Variants in PSMB9 observed in about 807,000 individuals in gnomAD.
The protein encoded by PSMB9 is proteasome subunit beta type-9.
A neutral mutation model predicts 26.9 loss-of-function variants in PSMB9; 16 were observed. The ratio of observed to expected loss-of-function variants is 0.59; its 90% CI spans 0.40 to 0.90. The LOEUF (loss-of-function observed/expected upper bound fraction) is 0.90, where lower values mean the gene tolerates loss of function less well. Among genes scored for constraint, PSMB9 ranks in the 40% least tolerant of loss-of-function variants. PSMB9 has a pLI of 0.00. For missense variants in PSMB9, 253 were observed against 292.2 expected, an observed-to-expected ratio of 0.87 and a Z score of 0.98; for synonymous variants, 91 against 112.0, an observed-to-expected ratio of 0.81 and a Z score of 1.18.
chr6:32,855,693 C>CA (rs28986263), intron 1 of PSMB9, among the ~76,000 whole-genome samples: 19,651 of 141,694 alleles, frequency 0.14, 1,307 homozygotes, highest in South Asian at 0.2. Context: ...GATTGTGGAC[C>CA]AAAAAAAAAA....
At chr6:32,857,548 T>C (rs1771225626) in intron 3 of PSMB9, 154 bp downstream of exon 3, 18 of 961,640 alleles carry the variant, frequency 1.9e-5, no homozygotes, top group Middle Eastern at 6.7e-4. Context: ...AGTTTCTGCA[T>C]CTGTAAAGTG....
Position 32,858,733 on chromosome 6 carries a change from C to T in PSMB9, c.532+228C>T. The stretch of plus-strand genomic sequence containing the variant: ...AGTAAATCAAATGAGGATACACAGT[C>T]ACTGTGAGAACCAGTGGTGTGCTAA... On this transcript the variant is annotated intron_variant, in intron 5 of 5. Transcript: ENST00000374859. This position sits in a 1 kb window ranked among gnomAD's most constrained non-coding sequence, Gnocchi z 5.2. 1 of 616,370 alleles carries T rather than the reference C, an allele frequency of 1.6e-6. No individual in the cohort carries two copies. The allele number at this position is 616,370 out of a possible 1,614,324, so 38.2% of individuals were successfully genotyped here.
chr6:32,859,316 A>G (rs1771333704), intron 5 of PSMB9, 89 bp from the exon 6 acceptor site: 2 of 1,409,900 alleles, frequency 1.4e-6, no homozygotes, highest in South Asian at 1.5e-5. Flanking sequence ...TGAAAGTGGT[A>G]GTAGGCATAT....
In PSMB9 at chr6:32,854,273, G is replaced by A. The variant is rs1481437927; in HGVS notation, c.44G>A (p.Gly15Glu). 2.0e-6 allele frequency: 3 copies of A among 1,520,304 alleles called. No individual in the cohort carries two copies. The highest frequency in any genetic ancestry group is 2.6e-6 in the Non-Finnish European group (3 of 1,136,482). The allele number at this position is 1,520,304 out of a possible 1,614,324, so 94.2% of individuals were successfully genotyped here. Reference protein sequence around the residue: ...GAPTGDLPRAGEVHTGTTIMA... With the variant: ...GAPTGDLPRAEEVHTGTTIMA... ...CCAACCGGGGACTTACCCCGGGCGGGAGAAGTCCACACCGGGGTAATGGGT... is the reference window on the plus strand; with the variant it reads ...CCAACCGGGGACTTACCCCGGGCGGAAGAAGTCCACACCGGGGTAATGGGT... Residue 15 changes from glycine (G) to glutamate (E), a missense_variant, in exon 1 of 6, where the codon GGA becomes GAA. By Grantham distance (98) the Gly-to-Glu change is moderately conservative (BLOSUM62 -2). Transcript: ENST00000374859. The surrounding 1 kb of genome is among the most constrained non-coding windows in gnomAD (Gnocchi z 4.6).
chr6:32,857,116 C>G, intron 2 of PSMB9, 147 bp from the exon 3 acceptor site: 1 of 807,654 alleles, frequency 1.2e-6, no homozygotes, highest in Admixed American at 3.5e-5. Flanking sequence ...AGGAGAATCA[C>G]TTGAACCAGG....
chr6:32,854,480 T>C lies in PSMB9; in HGVS notation c.60+191T>C, dbSNP rs1020653741. Among the ~76,000 whole-genome samples, 1 of 152,108 alleles carries C rather than the reference T, an allele frequency of 6.6e-6. No homozygotes were observed. Among genetic ancestry groups the C allele is most frequent in the African/African-American group, 2.4e-5 (1 of 41,406 alleles). On this transcript the variant is annotated intron_variant, in intron 1 of 5. Coordinates refer to ENST00000374859, the MANE Select transcript of PSMB9 (RefSeq NM_002800.5). This position sits in a 1 kb window ranked among gnomAD's most constrained non-coding sequence, Gnocchi z 4.6. The stretch of plus-strand genomic sequence containing the variant: ...TTTCTGAGGGGGGTCGTCTAGAGTG[T>C]CCGTGAAGGGAACAGGCACGCGAGG...
At position 32,855,975 on chromosome 6, in the gene PSMB9, A is replaced by G. The variant is rs112591216; in HGVS notation, c.61-163A>G. 61 of 610,070 alleles carry G rather than the reference A, an allele frequency of 1.0e-4. No individual in the cohort carries two copies. The East Asian group carries it at 1.3e-3, about 13-fold the overall frequency. The allele number at this position is 610,070 out of a possible 1,614,324, so 37.8% of individuals were successfully genotyped here. A position where few individuals can be genotyped will look rare whatever the true frequency, so the allele number is the denominator to read the frequency against. ...CCGGATGAAGCAATAGAGAAAGTGG[A>G]AAGATGAAGGGAAAAAAAGCCTGTA... is the stretch of plus-strand genomic sequence containing the variant. On this transcript the variant is annotated intron_variant, in intron 1 of 5. Coordinates refer to ENST00000374859, the MANE Select transcript of PSMB9 (RefSeq NM_002800.5).
chr6:32,857,689 A>G, intron 3 of PSMB9: 1 of 535,126 alleles, frequency 1.9e-6, no homozygotes, highest in Non-Finnish European at 3.3e-6. Flanking sequence ...ACCCACCATA[A>G]TATCAGGCAG....
At chr6:32,855,577 T>G (rs36202977) in intron 1 of PSMB9, among the ~76,000 whole-genome samples, 2,932 of 152,280 alleles carry the variant, frequency 0.019, 44 homozygotes, top group Non-Finnish European at 0.023. Flanking sequence ...GCTGCTTCTC[T>G]CCTGCCTTGC....
In PSMB9 at chr6:32,854,931, C is replaced by T. The variant is rs1169157872; in HGVS notation, c.60+642C>T. The stretch of plus-strand genomic sequence containing the variant: ...GGGGGGACTTTGCTTAGGATGGGCG[C>T]CTGGGGCAGATGGCAGCCCCAAGAC... On this transcript the variant is annotated intron_variant, in intron 1 of 5. Coordinates refer to ENST00000374859, the MANE Select transcript of PSMB9 (RefSeq NM_002800.5). This position sits in a 1 kb window ranked among gnomAD's most constrained non-coding sequence, Gnocchi z 4.6. Among the ~76,000 whole-genome samples, 2 of 152,180 alleles carry T rather than the reference C, an allele frequency of 1.3e-5. No individual in the cohort carries two copies. The highest frequency in any genetic ancestry group is 2.4e-5 in the African/African-American group (1 of 41,448).
In PSMB9 at chr6:32,857,368, G is replaced by A. The variant is rs1207255600; in HGVS notation, c.234G>A (p.Met78Ile). 6.2e-7 allele frequency: 1 copy of A among 1,612,582 alleles called. No individual in the cohort carries two copies. Among genetic ancestry groups the A allele is most frequent in the Admixed American group, 1.7e-5 (1 of 60,012 alleles). The change falls in exon 3 of 6, where the codon ATG becomes ATA. Residue 78 changes from methionine to isoleucine, a missense_variant. Transcript: ENST00000374859. Reference protein sequence around the residue: ...SAADAQAVADMAAYQLELHGI... With the variant: ...SAADAQAVADIAAYQLELHGI... ...CTGATGCCCAAGCCGTGGCCGACAT[G>A]GCCGCCTACCAGCTGGAGCTCCATG... is the stretch of plus-strand genomic sequence containing the variant.
intron 3 of PSMB9, chr6:32,857,754 C>A: frequency 3.6e-6 from 2 of 560,166 alleles, no homozygotes; most frequent in Non-Finnish European, 6.2e-6. Flanking sequence ...TCTGCTTTTC[C>A]CCATAAGAGC....
In PSMB9 at chr6:32,858,235, T is replaced by C; in HGVS notation, c.390+101T>C. 3.1e-6 allele frequency: 5 copies of C among 1,593,358 alleles called. No individual in the cohort carries two copies. The South Asian group carries it at 4.5e-5, about 14-fold the overall frequency. The stretch of plus-strand genomic sequence containing the variant: ...TTCTAGCAATGAGTTCCAAGGACAC[T>C]ACCTCTGAAAGCATAGTACTTTGGG... On this transcript the variant is annotated intron_variant, in intron 4 of 5. Transcript: ENST00000374859. This position sits in a 1 kb window ranked among gnomAD's most constrained non-coding sequence, Gnocchi z 5.2.
chr6:32,855,126 G>A (rs573211342), intron 1 of PSMB9, among the ~76,000 whole-genome samples: 1 of 152,322 alleles, frequency 6.6e-6, no homozygotes, highest in African/African-American at 2.4e-5. Context: ...TGGGGCCAGA[G>A]TAACTTACGG....
chr6:32,857,682 C>A, intron 3 of PSMB9: 1 of 525,298 alleles, frequency 1.9e-6, no homozygotes, highest in South Asian at 3.0e-5. Context: ...TATTGTGACC[C>A]ACCATAATAT....
chr6:32,856,367 G>A (rs1344368996), intron 2 of PSMB9, 162 bp downstream of exon 2: 1 of 673,578 alleles, frequency 1.5e-6, no homozygotes, highest in Non-Finnish European at 2.5e-6. Flanking sequence ...GGGTGCTTGG[G>A]TCTCTGAATT....
intron 2 of PSMB9, 58 bp downstream of exon 2, chr6:32,856,263 C>A: frequency 1.3e-6 from 2 of 1,511,334 alleles, no homozygotes; most frequent in Non-Finnish European, 9.2e-7. Flanking sequence ...CAAATACACA[C>A]TTTCCTTACC....
At position 32,854,204 on chromosome 6, in the gene PSMB9, G is replaced by A. The variant is rs963204739; in HGVS notation, c.-26G>A. ...CAGGTTGGAAACCAGTGCCCCAGGC[G>A]GCGAGGAGAGCGGTGCCTTGCAGGG... On this transcript the variant is annotated 5_prime_UTR_variant, in exon 1 of 6. Coordinates refer to ENST00000374859, the MANE Select transcript of PSMB9 (RefSeq NM_002800.5). The surrounding 1 kb of genome is among the most constrained non-coding windows in gnomAD (Gnocchi z 4.6). 2 of 1,545,820 alleles carry A rather than the reference G, an allele frequency of 1.3e-6. No individual in the cohort carries two copies. The highest frequency in any genetic ancestry group is 1.7e-6 in the Non-Finnish European group (2 of 1,145,824).
In PSMB9 at chr6:32,858,409, A is replaced by T; in HGVS notation, c.436A>T (p.Ile146Phe). 6.2e-7 allele frequency: 1 copy of T among 1,612,994 alleles called. No individual in the cohort carries two copies. Among genetic ancestry groups the T allele is most frequent in the Non-Finnish European group, 8.5e-7 (1 of 1,180,008 alleles). ...GGMLTRQPFA[I>F]GGSGSTFIYG... is the part of the protein sequence containing the mutation. ...AATGCTGACTCGACAGCCTTTTGCC[A>T]TTGGTGGCTCCGGCAGCACCTTTAT... The change falls in exon 5 of 6, where the codon ATT becomes TTT. Residue 146 changes from isoleucine (I) to phenylalanine (F), a missense_variant. Coordinates refer to ENST00000374859, the MANE Select transcript of PSMB9 (RefSeq NM_002800.5). The surrounding 1 kb of genome is among the most constrained non-coding windows in gnomAD (Gnocchi z 5.2).
Sources: gnomAD v4.1 joint callset for allele counts (sites outside exome capture counted in the v4.1 genomes callset) on GRCh38, gnomAD v4.1.1 for gene constraint, Gnocchi (gnomAD v3.1) non-coding constraint, MANE v1.5 for transcripts, NCBI Gene and HGNC (gene_info 2026-07-23, HGNC 2026-07-21) for gene names.